Variants in ZNF595 observed in about 807,000 individuals in gnomAD.
ZNF595 encodes the protein zinc finger protein 595.
Under a neutral mutation model 19.4 loss-of-function variants are expected in ZNF595, and 9 were observed. That is an observed-to-expected ratio of 0.46 (90% CI 0.28 to 0.81). The LOEUF is 0.81. Ranked by LOEUF, ZNF595 falls within the 30% of genes least tolerant of loss-of-function variation. ZNF595 has a pLI of 0.11. For synonymous variants in ZNF595, 255 were observed against 255.9 expected (o/e 1.00, Z 0.03); for missense variants, 729 against 736.0 (o/e 0.99, Z 0.11).
At position 66,257 on chromosome 4, in the gene ZNF595, A is replaced by ATT. The variant is rs1581331655; in HGVS notation, c.226+6111_226+6112dup. 2.4e-4 allele frequency among the ~76,000 whole-genome samples: 31 copies of ATT among 126,576 alleles called. No homozygotes were observed. In the East Asian group the frequency reaches 5.3e-3, roughly 22 times the overall value. The allele number at this position is 126,576 out of a possible 152,430, so 83.0% of individuals were successfully genotyped here. A position where few individuals can be genotyped will look rare whatever the true frequency, so the allele number is the denominator to read the frequency against. On this transcript the variant is annotated intron_variant, in intron 3 of 3. Coordinates refer to ENST00000610261, the MANE Select transcript of ZNF595 (RefSeq NM_182524.4). ...TCTTTACATTTTTCTAAAGATTAGA[A>ATT]TTTTTTTTCAATAATTGTGTATTTC...
chr4:79,594 A>T (rs1423881038), intron 3 of ZNF595, among the ~76,000 whole-genome samples: 1 of 150,754 alleles, frequency 6.6e-6, no homozygotes, highest in Non-Finnish European at 1.5e-5. Flanking sequence ...GTCTGTTTTT[A>T]TGCCAATATT....
chr4:84,141 A>G (rs1364165737), intron 3 of ZNF595, among the ~76,000 whole-genome samples: 1 of 152,128 alleles, frequency 6.6e-6, no homozygotes, highest in African/African-American at 2.4e-5. Flanking sequence ...GTCACTAATT[A>G]TATTTTTATG....
intron 1 of ZNF595, among the ~76,000 whole-genome samples, chr4:53,703 C>T (rs1223226684): frequency 3.1e-5 from 3 of 96,352 alleles, no homozygotes; most frequent in African/African-American, 1.1e-4. Context: ...GCGCCCGCAG[C>T]CCCGCACCTT....
chr4:70,046 G>T (rs1480751790), intron 3 of ZNF595, among the ~76,000 whole-genome samples: 1 of 152,176 alleles, frequency 6.6e-6, no homozygotes, highest in African/African-American at 2.4e-5. Context: ...TTGTGACCCT[G>T]ACCAGCTAGT....
At chr4:81,462 A>C (rs541655246) in intron 3 of ZNF595, among the ~76,000 whole-genome samples, 10 of 152,250 alleles carry the variant, frequency 6.6e-5, no homozygotes, top group African/African-American at 1.9e-4. Context: ...ATGTTTTTCT[A>C]TGTGTGGGAG....
intron 3 of ZNF595, among the ~76,000 whole-genome samples, chr4:81,972 T>G (rs535673790): frequency 6.6e-6 from 1 of 152,338 alleles, no homozygotes; most frequent in Admixed American, 6.5e-5. Flanking sequence ...GCTACAATAA[T>G]TATGAGTGTA....
chr4:75,651 A>G (rs1009774849), intron 3 of ZNF595, among the ~76,000 whole-genome samples: 2 of 152,244 alleles, frequency 1.3e-5, no homozygotes, highest in East Asian at 3.9e-4. Context: ...TATTACTGCC[A>G]TTTTGTTCAT....
At chr4:81,410 T>C (rs28716751) in intron 3 of ZNF595, among the ~76,000 whole-genome samples, 14,577 of 152,210 alleles carry the variant, frequency 0.096, 886 homozygotes, top group African/African-American at 0.17. Context: ...TGAGTAGTCA[T>C]TGAAATTCTT....
At position 88,204 on chromosome 4, in the gene ZNF595, A is replaced by G. The variant is rs185239584; in HGVS notation, c.*753A>G. 3.7e-4 allele frequency: 56 copies of G among 152,250 alleles called. No individual in the cohort carries two copies. In the East Asian group the frequency reaches 0.011, roughly 29 times the overall value. The allele number at this position is 152,250 out of a possible 1,614,324, so 9.4% of individuals were successfully genotyped here. A position where few individuals can be genotyped will look rare whatever the true frequency, so the allele number is the denominator to read the frequency against. On this transcript the variant is annotated 3_prime_UTR_variant, in exon 4 of 4. Coordinates refer to ENST00000610261, the MANE Select transcript of ZNF595 (RefSeq NM_182524.4). Reference sequence around the variant, plus strand: ...CAAATAAATGCAGACTTTGGTTTTGATTTACATGGAGTTAAATATGTAAAT... The same window carrying G: ...CAAATAAATGCAGACTTTGGTTTTGGTTTACATGGAGTTAAATATGTAAAT...
intron 3 of ZNF595, among the ~76,000 whole-genome samples, chr4:72,465 C>T (rs782576486): frequency 2.0e-5 from 3 of 152,040 alleles, no homozygotes; most frequent in Non-Finnish European, 4.4e-5. Context: ...AGAGATTTGC[C>T]AAAACATCAG....
Position 86,705 on chromosome 4 carries a change from T to C in ZNF595, c.1201T>C (p.Cys401Arg), listed in dbSNP as rs944002559. The stretch of plus-strand genomic sequence containing the variant: ...AGAGAAACCCTACACATGTGAAGAA[T>C]GTGGCAAAGCTTTTTATAGGTCCTC... ...TGEKPYTCEE[C>R]GKAFYRSSHL... The change falls in exon 4 of 4, where the codon TGT becomes CGT. Residue 401 changes from cysteine (C) to arginine (R), a missense_variant. Cys to Arg is a radical substitution (Grantham distance 180). Transcript: ENST00000610261. 6.2e-7 allele frequency: 1 copy of C among 1,613,630 alleles called. No individual in the cohort carries two copies. The highest frequency in any genetic ancestry group is 1.7e-5 in the Admixed American group (1 of 59,978).
At chr4:73,555 G>A (rs1713518570) in intron 3 of ZNF595, among the ~76,000 whole-genome samples, 1 of 152,168 alleles carries the variant, frequency 6.6e-6, no homozygotes, top group African/African-American at 2.4e-5. Context: ...TCAATGAAAA[G>A]GTGATTTATT....
chr4:72,706 GTGC>G (rs1713482277), intron 3 of ZNF595, among the ~76,000 whole-genome samples: 1 of 103,338 alleles, frequency 9.7e-6, no homozygotes, highest in Non-Finnish European at 2.1e-5. Flanking sequence ...TGAAATGTAA[GTGC>G]CTTCCAATTT....
At position 82,371 on chromosome 4, in the gene ZNF595, G is replaced by GTTTTTTTTTTTT. The variant is rs1560092266; in HGVS notation, c.227-3360_227-3359insTTTTTTTTTTTT. On this transcript the variant is annotated intron_variant, in intron 3 of 3. Coordinates refer to ENST00000610261, the MANE Select transcript of ZNF595 (RefSeq NM_182524.4). The stretch of plus-strand genomic sequence containing the variant: ...ACAAAAGTCCATTTTTTTGGTTTGT[G>GTTTTTTTTTTTT]GTTTTTTTTTTTTTTTTTTTTTTTT... Among the ~76,000 whole-genome samples, 12 of 97,712 alleles carry GTTTTTTTTTTTT rather than the reference G, an allele frequency of 1.2e-4. 1 individual carries two copies. The highest frequency in any genetic ancestry group is 4.4e-4 in the African/African-American group (12 of 27,402). The allele number at this position is 97,712 out of a possible 152,430, so 64.1% of individuals were successfully genotyped here.
intron 3 of ZNF595, among the ~76,000 whole-genome samples, chr4:66,479 T>A (rs1313268964): frequency 6.6e-6 from 1 of 152,036 alleles, no homozygotes; most frequent in African/African-American, 2.4e-5. Context: ...TGCTTTTGAA[T>A]TTTTTGCTCA....
chr4:85,020 A>G (rs1017710179), intron 3 of ZNF595, among the ~76,000 whole-genome samples: 1 of 152,200 alleles, frequency 6.6e-6, no homozygotes, highest in Non-Finnish European at 1.5e-5. Flanking sequence ...ATTTGTCACA[A>G]TCTTTACAGT....
chr4:66,579 C>A (rs1713121479), intron 3 of ZNF595, among the ~76,000 whole-genome samples: 1 of 149,770 alleles, frequency 6.7e-6, no homozygotes, highest in East Asian at 2.0e-4. Context: ...AATTATAATT[C>A]TTACGTTTAA....
chr4:84,478 T>C (rs191772187), intron 3 of ZNF595, among the ~76,000 whole-genome samples: 166 of 152,294 alleles, frequency 1.1e-3, no homozygotes, highest in African/African-American at 3.7e-3. Flanking sequence ...TTGCATGTTA[T>C]GGTATTCCTG....
At chr4:78,295 A>C (rs1466209353) in intron 3 of ZNF595, among the ~76,000 whole-genome samples, 1 of 152,224 alleles carries the variant, frequency 6.6e-6, no homozygotes, top group Non-Finnish European at 1.5e-5. Flanking sequence ...GGCGTGAGCC[A>C]CCGCGCCCGA....
Sources: gnomAD v4.1 joint callset for allele counts (sites outside exome capture counted in the v4.1 genomes callset) on GRCh38, gnomAD v4.1.1 for gene constraint, MANE v1.5 for transcripts, NCBI Gene and HGNC (gene_info 2026-07-23, HGNC 2026-07-21) for gene names.